Variants in SPEF2 observed in about 807,000 individuals in gnomAD.
SPEF2 encodes sperm flagellar and cilia associated 2.
In SPEF2, 187 loss-of-function variants were observed where a neutral mutation model predicts 224.6. The observed-to-expected ratio is 0.83, with a 90% CI of 0.74 to 0.94. The LOEUF (loss-of-function observed/expected upper bound fraction) is 0.94. Among genes scored for constraint, SPEF2 ranks in the 40% least tolerant of loss-of-function variants. The pLI, the probability that SPEF2 is intolerant of heterozygous loss-of-function variation, is 0.00. For synonymous variants in SPEF2, 715 were observed against 707.3 expected (o/e 1.01, Z -0.17); for missense variants, 2,170 against 2,135.6 (o/e 1.02, Z -0.32).
At chr5:35,755,054 A>G (rs1477955881) in intron 24 of SPEF2, among the ~76,000 whole-genome samples, 1 of 152,220 alleles carries the variant, frequency 6.6e-6, no homozygotes, top group African/African-American at 2.4e-5. Flanking sequence ...AGGAGCAGCC[A>G]CTCAGGTAGG....
chr5:35,649,077 C>T (rs1747825777), intron 5 of SPEF2, among the ~76,000 whole-genome samples: 1 of 151,662 alleles, frequency 6.6e-6, no homozygotes, highest in South Asian at 2.1e-4. Flanking sequence ...TATGTCCTGA[C>T]TCTTTGATAA....
chr5:35,785,701 T>A (rs1042779063), intron 30 of SPEF2, among the ~76,000 whole-genome samples: 3 of 150,554 alleles, frequency 2.0e-5, no homozygotes, highest in African/African-American at 7.3e-5. Context: ...GCCCAGCTAA[T>A]TTGTTTTTTT....
chr5:35,771,757 G>T lies in SPEF2; in HGVS notation c.3949+1G>T, dbSNP rs1239348737. ...AAACAGGAAGACAAAAAACCCAAAG[G>T]TATTTATGGTTTTAGCACTCAGAAC... On this transcript the variant is annotated splice_donor_variant, in intron 27 of 36. Coordinates refer to ENST00000356031, the MANE Select transcript of SPEF2 (RefSeq NM_024867.4). LOFTEE classifies it high-confidence loss of function. 2 of 1,586,120 alleles carry T rather than the reference G, an allele frequency of 1.3e-6. No individual in the cohort carries two copies. Among genetic ancestry groups the T allele is most frequent in the Non-Finnish European group, 8.5e-7 (1 of 1,173,016 alleles).
chr5:35,788,676 G>A, intron 30 of SPEF2: 1 of 703,020 alleles, frequency 1.4e-6, no homozygotes, highest in South Asian at 1.5e-5. Flanking sequence ...GGTTTTGGAA[G>A]TGATGGTACC....
At position 35,692,669 on chromosome 5, in the gene SPEF2, A is replaced by C. The variant is rs2149536565; in HGVS notation, c.1844A>C (p.Lys615Thr). The change falls in exon 12 of 37, where the codon AAA becomes ACA. Residue 615 changes from lysine (K) to threonine (T), a missense_variant. By Grantham distance (78) the Lys-to-Thr change is moderately conservative. Transcript: ENST00000356031. ...GTCAGTGAGGTTCTACCAATTCAGA[A>C]AAATGATGAAGAAGATGCTCTACCA... is the stretch of plus-strand genomic sequence containing the variant. ...EKVSEVLPIQ[K>T]NDEEDALPVL... 2 of 1,613,908 alleles carry C rather than the reference A, an allele frequency of 1.2e-6. No homozygotes were observed. The highest frequency in any genetic ancestry group is 1.7e-6 in the Non-Finnish European group (2 of 1,179,896).
chr5:35,739,893 A>G (rs1354150218), intron 21 of SPEF2, 26 bp from the exon 22 acceptor site: 1 of 1,607,496 alleles, frequency 6.2e-7, no homozygotes, highest in Non-Finnish European at 8.5e-7. Flanking sequence ...TTGAAGTAAC[A>G]GTTTCTACAC....
intron 28 of SPEF2, among the ~76,000 whole-genome samples, chr5:35,775,789 G>A (rs1753533375): frequency 6.6e-6 from 1 of 152,084 alleles, no homozygotes; most frequent in Non-Finnish European, 1.5e-5. Context: ...AGAGAAACTG[G>A]AAAAATTTTG....
At chr5:35,622,280 C>T (rs930648982) in intron 1 of SPEF2, among the ~76,000 whole-genome samples, 7 of 152,032 alleles carry the variant, frequency 4.6e-5, no homozygotes, top group African/African-American at 1.7e-4. Flanking sequence ...TCCTCTCATG[C>T]ATTAATGACA....
At chr5:35,690,992 C>T (rs772220003) in intron 10 of SPEF2, 45 bp from the exon 11 acceptor site, 2 of 1,522,610 alleles carry the variant, frequency 1.3e-6, no homozygotes, top group South Asian at 2.4e-5. Flanking sequence ...TACCTAAATT[C>T]CACTTTTCAG....
In SPEF2 at chr5:35,644,518, T is replaced by C. The variant is rs1170197732; in HGVS notation, c.578T>C (p.Ile193Thr). The C allele has an allele frequency of 1.4e-5, 22 of 1,598,490 alleles. No individual in the cohort carries two copies. In the East Asian group the frequency reaches 3.1e-4, roughly 23 times the overall value. Reference protein sequence around the residue: ...KLKEEQRCFDIEKQYLNRRRQ... With the variant: ...KLKEEQRCFDTEKQYLNRRRQ... ...AAGGAAGAGCAAAGATGTTTTGATA[T>C]TGAAAAGGTTCTATAGAACTATTTT... Residue 193 changes from isoleucine to threonine, a missense_variant, in exon 4 of 37, where the codon ATT (isoleucine) becomes ACT (threonine). Coordinates refer to ENST00000356031, the MANE Select transcript of SPEF2 (RefSeq NM_024867.4).
chr5:35,784,687 A>T (rs1009745631), intron 30 of SPEF2, among the ~76,000 whole-genome samples: 5 of 152,102 alleles, frequency 3.3e-5, no homozygotes, highest in Non-Finnish European at 7.4e-5. Context: ...GTTGCATGAC[A>T]TATTGAGGGA....
chr5:35,773,978 G>T lies in SPEF2; in HGVS notation c.4035G>T (p.Arg1345Ser). Residue 1345 changes from arginine to serine, a missense_variant, in exon 28 of 37, where the codon AGG becomes AGT. By Grantham distance (110) the Arg-to-Ser change is moderately radical (BLOSUM62 -1). Transcript: ENST00000356031. ...IAEIKRKNEL[R>S]VKIKEEHLAA... ...AAATCAAAAGGAAAAATGAACTGAG[G>T]GTCAAAATAAAAGAAGAACACCTTG... is the stretch of plus-strand genomic sequence containing the variant. 6.2e-7 allele frequency: 1 copy of T among 1,612,906 alleles called. No homozygotes were observed. Among genetic ancestry groups the T allele is most frequent in the Non-Finnish European group, 8.5e-7 (1 of 1,179,436 alleles).
intron 20 of SPEF2, among the ~76,000 whole-genome samples, chr5:35,722,041 A>ACGGG (rs1743780653): frequency 2.0e-5 from 3 of 152,158 alleles, no homozygotes; most frequent in African/African-American, 7.2e-5. Flanking sequence ...TGGCCTAGTA[A>ACGGG]AGGGGGGTAA....
Position 35,721,601 on chromosome 5 carries a change from CTTAAAGA to C in SPEF2, c.2915-6067_2915-6061del, listed in dbSNP as rs758811268. 3.3e-5 allele frequency among the ~76,000 whole-genome samples: 5 copies of C among 152,300 alleles called. No individual in the cohort carries two copies. In the East Asian group the frequency reaches 7.7e-4, roughly 23 times the overall value. On this transcript the variant is annotated intron_variant, in intron 20 of 36. Transcript: ENST00000356031. ...ATAGTCTTTAGGGCTGTTTTTACTT[CTTAAAGA>C]TTAAAGTCACGTGAAGTGAAAGGTA...
chr5:35,670,258 T>G, intron 10 of SPEF2, 31 bp downstream of exon 10: 1 of 1,555,250 alleles, frequency 6.4e-7, no homozygotes. Flanking sequence ...ATTAGAATGC[T>G]ACATAATAAA....
intron 10 of SPEF2, among the ~76,000 whole-genome samples, chr5:35,676,482 A>C (rs1301445900): frequency 6.6e-6 from 1 of 152,184 alleles, no homozygotes; most frequent in Non-Finnish European, 1.5e-5. Context: ...TAATCCCAGC[A>C]CTTTGGGAGG....
At chr5:35,737,264 G>T (rs1746775656) in intron 21 of SPEF2, among the ~76,000 whole-genome samples, 1 of 151,916 alleles carries the variant, frequency 6.6e-6, no homozygotes, top group Admixed American at 6.6e-5. Flanking sequence ...TGCACAATGT[G>T]CAGGTTTGTT....
chr5:35,751,278 G>A (rs1473952025), intron 23 of SPEF2, among the ~76,000 whole-genome samples: 1 of 145,970 alleles, frequency 6.9e-6, no homozygotes, highest in Non-Finnish European at 1.5e-5. Context: ...AGGACTCAAA[G>A]GCATAAGAAT....
chr5:35,723,574 C>A (rs1408909194), intron 20 of SPEF2, among the ~76,000 whole-genome samples: 2 of 152,048 alleles, frequency 1.3e-5, no homozygotes, highest in African/African-American at 4.8e-5. Context: ...ACCTCTTCCT[C>A]CAAATATTTA....
Sources: allele counts gnomAD v4.1 joint callset (sites outside exome capture counted in the v4.1 genomes callset), GRCh38; gene constraint gnomAD v4.1.1; transcripts MANE v1.5; gene names NCBI Gene and HGNC (gene_info 2026-07-23, HGNC 2026-07-21).